The following CCSER1 variants were observed in gnomAD, a reference collection of about 807,000 sequenced individuals.
CCSER1 encodes coiled-coil serine rich protein 1.
Under a neutral mutation model 82.0 loss-of-function variants are expected in CCSER1, and 41 were observed. The ratio of observed to expected loss-of-function variants is 0.50; its 90% CI spans 0.39 to 0.65. The LOEUF (loss-of-function observed/expected upper bound fraction) is 0.65, where lower values mean the gene tolerates loss of function less well. CCSER1 is among the 30% of genes least tolerant of loss of function. CCSER1 has a pLI of 0.00. For synonymous variants in CCSER1, 414 were observed against 383.9 expected (o/e 1.08, Z -0.92); for missense variants, 1,119 against 1,064.2 (o/e 1.05, Z -0.72).
chr4:91,453,162 G>T lies in CCSER1; in HGVS notation c.2218-145410G>T, dbSNP rs377134103. ...TCATTTAGAGTTTTGTTTGGTAGTA[G>T]TTCATGGTGATTCTGTAAATTTTGT... On this transcript the variant is annotated intron_variant, in intron 10 of 10. Transcript: ENST00000509176. Among the ~76,000 whole-genome samples, 69 of 152,092 alleles carry T rather than the reference G, an allele frequency of 4.5e-4. 1 individual carries two copies. Among genetic ancestry groups the T allele is most frequent in the South Asian group, 2.9e-3 (14 of 4,828 alleles).
intron 1 of CCSER1, among the ~76,000 whole-genome samples, chr4:90,238,920 G>A (rs533693563): frequency 4.0e-5 from 6 of 151,524 alleles, no homozygotes; most frequent in Non-Finnish European, 7.4e-5. Flanking sequence ...GCATGATCTC[G>A]GCTCATTGCA....
chr4:91,212,423 C>G (rs1736894206), intron 10 of CCSER1, among the ~76,000 whole-genome samples: 1 of 151,986 alleles, frequency 6.6e-6, no homozygotes, highest in African/African-American at 2.4e-5. Context: ...CTCAGTGTTT[C>G]AGCTGCTAAG....
At chr4:91,236,548 C>G (rs1581820539) in intron 10 of CCSER1, among the ~76,000 whole-genome samples, 2 of 151,882 alleles carry the variant, frequency 1.3e-5, no homozygotes, top group South Asian at 2.1e-4. Flanking sequence ...ATGCAGTGTT[C>G]TATAATTTTG....
At chr4:90,436,581 CTT>C (rs562575617) in intron 4 of CCSER1, among the ~76,000 whole-genome samples, 81 of 152,156 alleles carry the variant, frequency 5.3e-4, no homozygotes, top group African/African-American at 1.3e-3. Context: ...GAAATTGAGA[CTT>C]AAAGTTATAT....
intron 10 of CCSER1, among the ~76,000 whole-genome samples, chr4:91,180,376 G>C (rs1733900186): frequency 6.6e-6 from 1 of 152,228 alleles, no homozygotes. Flanking sequence ...AGTTTCTGCT[G>C]CCTTTTGTTC....
At chr4:90,198,525 T>G (rs1217338273) in intron 1 of CCSER1, among the ~76,000 whole-genome samples, 1 of 152,156 alleles carries the variant, frequency 6.6e-6, no homozygotes, top group Non-Finnish European at 1.5e-5. Context: ...GGTGAAATAC[T>G]TTTTGACCCT....
At chr4:91,174,234 T>A (rs1356130721) in intron 10 of CCSER1, among the ~76,000 whole-genome samples, 1 of 152,106 alleles carries the variant, frequency 6.6e-6, no homozygotes, top group Non-Finnish European at 1.5e-5. Context: ...TTTCTTTCCT[T>A]CTTATTTTTT....
intron 5 of CCSER1, among the ~76,000 whole-genome samples, chr4:90,600,297 A>G (rs1783877752): frequency 1.3e-5 from 2 of 152,178 alleles, no homozygotes; most frequent in South Asian, 4.1e-4. Context: ...AGGTTGTAGT[A>G]TTTCACATTT....
rs186401572 is a variant in CCSER1 at position 91,338,834 on chromosome 4, C to T, written c.2217+252840C>T. Reference sequence around the variant, plus strand: ...AATCCATAAAATTTCCTGGTGATGCCCACATGCTGATGTAGTTTTCTCTTT... The same window carrying T: ...AATCCATAAAATTTCCTGGTGATGCTCACATGCTGATGTAGTTTTCTCTTT... On this transcript the variant is annotated intron_variant, in intron 10 of 10. Coordinates refer to ENST00000509176, the MANE Select transcript of CCSER1 (RefSeq NM_001145065.2). Among the ~76,000 whole-genome samples, 132 of 151,982 alleles carry T rather than the reference C, an allele frequency of 8.7e-4. 1 individual carries two copies. Among genetic ancestry groups the T allele is most frequent in the African/African-American group, 3.0e-3 (124 of 41,504 alleles).
chr4:90,423,585 C>T (rs1757048775), intron 4 of CCSER1, among the ~76,000 whole-genome samples: 1 of 152,082 alleles, frequency 6.6e-6, no homozygotes, highest in South Asian at 2.1e-4. Flanking sequence ...AGTGATTCTT[C>T]TGCCTCAGCC....
intron 10 of CCSER1, among the ~76,000 whole-genome samples, chr4:91,160,641 G>A (rs934874683): frequency 1.9e-4 from 29 of 152,264 alleles, no homozygotes; most frequent in African/African-American, 6.7e-4. Flanking sequence ...TTTCTCTGAT[G>A]ACCAGTGATG....
At chr4:90,407,230 A>G (rs1753859268) in intron 4 of CCSER1, among the ~76,000 whole-genome samples, 1 of 152,216 alleles carries the variant, frequency 6.6e-6, no homozygotes, top group African/African-American at 2.4e-5. Context: ...AGCTACCATG[A>G]ACACCTTTAC....
intron 10 of CCSER1, among the ~76,000 whole-genome samples, chr4:91,462,564 G>A (rs148726189): frequency 3.5e-4 from 53 of 152,186 alleles, no homozygotes; most frequent in Non-Finnish European, 6.6e-4. Context: ...GCACGGCATC[G>A]CCTCACCCGG....
At chr4:90,661,830 T>C (rs1178081254) in intron 6 of CCSER1, among the ~76,000 whole-genome samples, 2 of 151,754 alleles carry the variant, frequency 1.3e-5, no homozygotes, top group African/African-American at 4.8e-5. Flanking sequence ...GGAACACAAT[T>C]CCACAAGTAT....
Position 91,544,124 on chromosome 4 carries a change from A to G in CCSER1, c.2218-54448A>G, listed in dbSNP as rs1396964077. ...ACTGAAGCTTGTGCATGCGTCATGT[A>G]GTTCTCGTGCAATGGTTTTCAGCTC... On this transcript the variant is annotated intron_variant, in intron 10 of 10. Transcript: ENST00000509176. Among the ~76,000 whole-genome samples, 5 of 152,208 alleles carry G rather than the reference A, an allele frequency of 3.3e-5. No homozygotes were observed. The East Asian group carries it at 9.7e-4, about 29-fold the overall frequency.
At chr4:90,157,205 A>G (rs1282973412) in intron 1 of CCSER1, among the ~76,000 whole-genome samples, 1 of 152,016 alleles carries the variant, frequency 6.6e-6, no homozygotes. Flanking sequence ...ATTGGCCCCC[A>G]CTCTCTTCTG....
At chr4:90,803,030 A>G (rs973050051) in intron 7 of CCSER1, among the ~76,000 whole-genome samples, 5 of 152,102 alleles carry the variant, frequency 3.3e-5, no homozygotes, top group African/African-American at 1.2e-4. Flanking sequence ...ATCTTACAGT[A>G]AAGCCCTCCA....
chr4:90,434,482 A>G (rs1758742553), intron 4 of CCSER1, among the ~76,000 whole-genome samples: 1 of 152,184 alleles, frequency 6.6e-6, no homozygotes, highest in African/African-American at 2.4e-5. Flanking sequence ...CACAACAATT[A>G]CTAAAACCCA....
Position 90,390,032 on chromosome 4 carries a change from T to C in CCSER1, c.1510-10004T>C, listed in dbSNP as rs570580886. ...TATAATAAAATCTAGATATATTACC[T>C]TGTGTTTACTCTACCGGCATTTGAG... On this transcript the variant is annotated intron_variant, in intron 3 of 10. Transcript: ENST00000509176. 3.9e-5 allele frequency among the ~76,000 whole-genome samples: 6 copies of C among 152,286 alleles called. No individual in the cohort carries two copies. The East Asian group carries it at 9.6e-4, about 24-fold the overall frequency.
Sources: allele counts gnomAD v4.1 joint callset (sites outside exome capture counted in the v4.1 genomes callset), GRCh38; gene constraint gnomAD v4.1.1; transcripts MANE v1.5; gene names NCBI Gene and HGNC (gene_info 2026-07-23, HGNC 2026-07-21).